Variants in SORCS1 observed in about 807,000 individuals in gnomAD.
The protein encoded by SORCS1 is sortilin related VPS10 domain containing receptor 1, also known as VPS10 domain-containing receptor SorCS1.
Under a neutral mutation model 146.1 loss-of-function variants are expected in SORCS1, and 60 were observed. The ratio of observed to expected loss-of-function variants is 0.41; its 90% confidence interval spans 0.33 to 0.51. The LOEUF is 0.51. SORCS1 is among the 20% of genes least tolerant of loss of function. SORCS1 has a pLI of 0.21. For synonymous variants in SORCS1, 637 were observed against 584.0 expected (o/e 1.09, Z -1.31); for missense variants, 1,352 against 1,487.6 (o/e 0.91, Z 1.50).
At chr10:106,718,496 C>T (rs1357478177) in intron 6 of SORCS1, among the ~76,000 whole-genome samples, 1 of 152,090 alleles carries the variant, frequency 6.6e-6, no homozygotes, top group African/African-American at 2.4e-5. Flanking sequence ...GTCTTTCTGA[C>T]TTCAGGAGTG....
chr10:106,581,673 A>G (rs1844924731), intron 24 of SORCS1, among the ~76,000 whole-genome samples: 1 of 152,120 alleles, frequency 6.6e-6, no homozygotes. Context: ...ACCAACAGCC[A>G]GTCTTATTTT....
intron 19 of SORCS1, among the ~76,000 whole-genome samples, chr10:106,628,886 G>C (rs952196051): frequency 6.6e-6 from 1 of 152,146 alleles, no homozygotes; most frequent in Non-Finnish European, 1.5e-5. Flanking sequence ...AAATTTCTTT[G>C]TTTCAACCAA....
intron 3 of SORCS1, among the ~76,000 whole-genome samples, chr10:106,779,450 G>C (rs1860718007): frequency 6.6e-6 from 1 of 151,632 alleles, no homozygotes; most frequent in Non-Finnish European, 1.5e-5. Flanking sequence ...AACCATGTTT[G>C]TGTTTCTTTC....
intron 2 of SORCS1, among the ~76,000 whole-genome samples, chr10:106,867,781 T>C (rs1400170191): frequency 6.6e-6 from 1 of 152,142 alleles, no homozygotes; most frequent in Non-Finnish European, 1.5e-5. Flanking sequence ...CCAGTAACAG[T>C]ATAAAGCAAC....
chr10:107,128,165 T>C (rs907865061), intron 1 of SORCS1, among the ~76,000 whole-genome samples: 4 of 152,208 alleles, frequency 2.6e-5, no homozygotes, highest in Admixed American at 2.0e-4. Context: ...GCACTTCCAT[T>C]TCTACTTAGG....
At chr10:107,095,524 C>T (rs952168658) in intron 1 of SORCS1, among the ~76,000 whole-genome samples, 11 of 152,142 alleles carry the variant, frequency 7.2e-5, no homozygotes, top group Non-Finnish European at 1.6e-4. Flanking sequence ...ATCCAGAAAG[C>T]AATGAATTTT....
intron 21 of SORCS1, among the ~76,000 whole-genome samples, chr10:106,613,444 CAG>C (rs1437874618): frequency 2.0e-5 from 3 of 152,200 alleles, no homozygotes; most frequent in African/African-American, 7.2e-5. Flanking sequence ...AAGTCGCTGG[CAG>C]AGGAGTCCCC....
intron 1 of SORCS1, among the ~76,000 whole-genome samples, chr10:107,126,528 C>T (rs887376017): frequency 6.6e-6 from 1 of 152,032 alleles, no homozygotes; most frequent in Non-Finnish European, 1.5e-5. Context: ...AGAGAAGAAC[C>T]TTGTGAGATT....
intron 4 of SORCS1, among the ~76,000 whole-genome samples, chr10:106,775,810 G>C (rs1296212265): frequency 6.6e-6 from 1 of 152,016 alleles, no homozygotes; most frequent in African/African-American, 2.4e-5. Flanking sequence ...AATTTTATTA[G>C]CTATTGCTAG....
intron 18 of SORCS1, among the ~76,000 whole-genome samples, chr10:106,651,073 T>C (rs1849824401): frequency 1.3e-5 from 2 of 152,262 alleles, no homozygotes; most frequent in South Asian, 2.1e-4. Context: ...TCTTAGTATT[T>C]AGAAGATTGG....
chr10:106,688,887 T>C (rs12261716), intron 9 of SORCS1, among the ~76,000 whole-genome samples: 3,823 of 152,286 alleles, frequency 0.025, 172 homozygotes, highest in African/African-American at 0.087. Context: ...GCTTCACAGC[T>C]CATGCTCTTA....
chr10:106,966,741 T>C (rs114387621), intron 1 of SORCS1, among the ~76,000 whole-genome samples: 1,592 of 152,248 alleles, frequency 0.01, 26 homozygotes, highest in African/African-American at 0.035. Context: ...CCAGAGGTCA[T>C]TTGTAGCTAA....
chr10:106,607,367 G>T, intron 22 of SORCS1, 70 bp from the exon 23 acceptor site: 2 of 1,585,366 alleles, frequency 1.3e-6, no homozygotes, highest in Non-Finnish European at 1.7e-6. Context: ...CAAGTATTTG[G>T]TGGGGGGATC....
chr10:107,164,198 C>T lies in SORCS1; in HGVS notation c.329G>A (p.Arg110Gln). The change falls in exon 1 of 26, where the codon CGG becomes CAG. Residue 110 changes from arginine to glutamine, a missense_variant. By Grantham distance (43) the Arg-to-Gln change is conservative. Transcript: ENST00000263054. The surrounding 1 kb of genome is among the most constrained non-coding windows in gnomAD (Gnocchi z 6.8). ...AVAARSGRRRRSGADQEKAER... is the reference protein window; with the variant it reads ...AVAARSGRRRQSGADQEKAER... Reference sequence around the variant, plus strand: ...TGCCTTCTCCTGATCCGCTCCGCTCCGTCTCCTCCGGCCGGAGCGTGCAGC... The same window carrying T: ...TGCCTTCTCCTGATCCGCTCCGCTCTGTCTCCTCCGGCCGGAGCGTGCAGC... 2 of 1,610,768 alleles carry T rather than the reference C, an allele frequency of 1.2e-6. No individual in the cohort carries two copies. The highest frequency in any genetic ancestry group is 1.7e-6 in the Non-Finnish European group (2 of 1,179,926).
intron 24 of SORCS1, among the ~76,000 whole-genome samples, chr10:106,591,234 T>G (rs1845586419): frequency 6.6e-6 from 1 of 152,178 alleles, no homozygotes; most frequent in Non-Finnish European, 1.5e-5. Context: ...TCCCATTCTC[T>G]CTCAGATCTC....
At chr10:106,916,538 C>A (rs1952435935) in intron 2 of SORCS1, among the ~76,000 whole-genome samples, 1 of 143,620 alleles carries the variant, frequency 7.0e-6, no homozygotes, top group South Asian at 2.2e-4. Context: ...TTATGTGTAT[C>A]TATGCACACG....
At chr10:106,761,880 A>G (rs1859140383) in intron 4 of SORCS1, among the ~76,000 whole-genome samples, 1 of 152,258 alleles carries the variant, frequency 6.6e-6, no homozygotes, top group South Asian at 2.1e-4. Flanking sequence ...ACTGAAGCTT[A>G]GAAGGATTAA....
At chr10:106,954,173 G>C (rs549968633) in intron 2 of SORCS1, among the ~76,000 whole-genome samples, 2 of 152,194 alleles carry the variant, frequency 1.3e-5, no homozygotes, top group Non-Finnish European at 2.9e-5. Flanking sequence ...TGTGCAGGTG[G>C]AGAGTTATGA....
At chr10:106,627,493 A>G (rs1157560362) in intron 19 of SORCS1, among the ~76,000 whole-genome samples, 1 of 152,208 alleles carries the variant, frequency 6.6e-6, no homozygotes, top group Non-Finnish European at 1.5e-5. Flanking sequence ...TATTTTTGCT[A>G]CTAATCATTA....
Sources: allele counts gnomAD v4.1 joint callset (sites outside exome capture counted in the v4.1 genomes callset), GRCh38; gene constraint gnomAD v4.1.1; non-coding constraint Gnocchi (gnomAD v3.1); transcripts MANE v1.5; gene names NCBI Gene and HGNC (gene_info 2026-07-23, HGNC 2026-07-21).